STARD9: variants seen among roughly 807,000 people sequenced by gnomAD.
STARD9 encodes StAR related lipid transfer domain containing 9.
In STARD9, 346 loss-of-function variants were observed where a neutral mutation model predicts 399.8. That is an observed-to-expected ratio of 0.87 (90% CI 0.79 to 0.95). The LOEUF is 0.95. Ranked by LOEUF, STARD9 falls within the 40% of genes least tolerant of loss-of-function variation. The pLI is 0.00. For synonymous variants in STARD9, 2,203 were observed against 2,143.5 expected (o/e 1.03, Z -0.77); for missense variants, 5,832 against 5,667.5 (o/e 1.03, Z -0.93).
chr15:42,703,341 G>A (rs2061006376), intron 26 of STARD9, among the ~76,000 whole-genome samples: 1 of 149,238 alleles, frequency 6.7e-6, no homozygotes, highest in African/African-American at 2.5e-5. Context: ...CCAGTGACTC[G>A]TACATTTGTT....
Position 42,682,459 on chromosome 15 carries a change from C to A in STARD9, c.2421C>A (p.Tyr807Ter). The A allele has an allele frequency of 2.0e-6, 3 of 1,537,190 alleles. No individual in the cohort carries two copies. Among genetic ancestry groups the A allele is most frequent in the Non-Finnish European group, 2.6e-6 (3 of 1,146,892 alleles). The change falls in exon 22 of 33, where the codon TAC becomes TAA. Residue 807 changes from tyrosine to a stop codon, truncating the protein, a stop_gained. Transcript: ENST00000290607. LOFTEE classifies it high-confidence loss of function. ...ATGACAGCACCCAGGAGCCCCCATACCAGGTCCTCAGCCCTGATGCCACAG... is the reference window on the plus strand; with the variant it reads ...ATGACAGCACCCAGGAGCCCCCATAACAGGTCCTCAGCCCTGATGCCACAG... ...LQDDSTQEPP[Y>*]QVLSPDATVP...
chr15:42,619,789 G>A (rs1327871976), intron 3 of STARD9, among the ~76,000 whole-genome samples: 1 of 152,136 alleles, frequency 6.6e-6, no homozygotes, highest in Non-Finnish European at 1.5e-5. Flanking sequence ...CTGGTTCCTG[G>A]TTGGGGAGCC....
intron 16 of STARD9, among the ~76,000 whole-genome samples, chr15:42,673,302 T>A (rs1309135836): frequency 1.3e-5 from 2 of 152,126 alleles, no homozygotes; most frequent in East Asian, 3.9e-4. Context: ...GTTGGGAGGC[T>A]GAGGCAAGGG....
At chr15:42,607,250 T>C (rs1292432274) in intron 3 of STARD9, among the ~76,000 whole-genome samples, 3 of 125,460 alleles carry the variant, frequency 2.4e-5, no homozygotes, top group Non-Finnish European at 3.2e-5. Flanking sequence ...TCACCCAGGC[T>C]GGAGTACAGT....
At chr15:42,666,851 G>A (rs1284259788) in intron 15 of STARD9, among the ~76,000 whole-genome samples, 1 of 152,098 alleles carries the variant, frequency 6.6e-6, no homozygotes, top group Non-Finnish European at 1.5e-5. Context: ...GTCTCACTCT[G>A]TCACCCAGGC....
intron 3 of STARD9, among the ~76,000 whole-genome samples, chr15:42,587,372 ATTTG>A (rs2058297297): frequency 1.3e-5 from 2 of 152,086 alleles, no homozygotes; most frequent in African/African-American, 4.8e-5. Flanking sequence ...CCACTGTGGG[ATTTG>A]CTGTCACAGT....
At position 42,591,381 on chromosome 15, in the gene STARD9, G is replaced by T. The variant is rs1044696805; in HGVS notation, c.234+5744G>T. Among the ~76,000 whole-genome samples, 20 of 152,050 alleles carry T rather than the reference G, an allele frequency of 1.3e-4. 1 individual carries two copies. Among genetic ancestry groups the T allele is most frequent in the Admixed American group, 1.2e-3 (19 of 15,268 alleles). ...TGCATGCCTGTAATCCGAGCTACTCGGGAGGCTGAAGCAGGAGAATTGCTT... is the reference window on the plus strand; with the variant it reads ...TGCATGCCTGTAATCCGAGCTACTCTGGAGGCTGAAGCAGGAGAATTGCTT... On this transcript the variant is annotated intron_variant, in intron 3 of 32. Transcript: ENST00000290607.
chr15:42,718,212 C>A, intron 30 of STARD9, 33 bp downstream of exon 30: 1 of 1,525,050 alleles, frequency 6.6e-7, no homozygotes, highest in Non-Finnish European at 8.8e-7. Context: ...TCCATGGGGC[C>A]TAGTTTCTGG....
rs1307654396 is a variant in STARD9, at chr15:42,684,089, C to T, written c.2538-27C>T. 14 of 1,505,646 alleles carry T rather than the reference C, an allele frequency of 9.3e-6. 1 individual carries two copies. The highest frequency in any genetic ancestry group is 1.7e-4 in the Middle Eastern group (1 of 5,888). 93.3% of individuals were successfully genotyped at this position (1,505,646 alleles called of 1,614,324 possible). A position where few individuals can be genotyped will look rare whatever the true frequency, so the allele number is the denominator to read the frequency against. On this transcript the variant is annotated intron_variant, in intron 22 of 32. Transcript: ENST00000290607. ...CAGGAAGTAGTACCTCTCACATCTT[C>T]TGAGATAGCTTTCCTTGTCTTCACA... is the stretch of plus-strand genomic sequence containing the variant.
chr15:42,613,268 G>A (rs1566874451), intron 3 of STARD9, among the ~76,000 whole-genome samples: 1 of 151,930 alleles, frequency 6.6e-6, no homozygotes. Context: ...CAGGGACTTA[G>A]GGGACTGGCC....
At chr15:42,652,744 C>T (rs1187649978) in intron 9 of STARD9, among the ~76,000 whole-genome samples, 152 bp downstream of exon 9, 1 of 152,130 alleles carries the variant, frequency 6.6e-6, no homozygotes, top group African/African-American at 2.4e-5. Context: ...GGCGCGATCT[C>T]GGCTCACCTG....
chr15:42,692,951 A>G lies in STARD9; in HGVS notation c.11373A>G (p.Ala3791=). ...VPQKREAEET[A]QKMAQLLYLQ... is the part of the protein sequence containing the mutation. Reference sequence around the variant, plus strand: ...AGAAGAGAGAGGCAGAGGAAACAGCACAGAAAATGGCTCAGCTCCTCTATC... The same window carrying G: ...AGAAGAGAGAGGCAGAGGAAACAGCGCAGAAAATGGCTCAGCTCCTCTATC... Residue 3791 remains alanine (A), a synonymous_variant, in exon 23 of 33, where the codon GCA becomes GCG. Coordinates refer to ENST00000290607, the MANE Select transcript of STARD9 (RefSeq NM_020759.3). 3 of 1,537,192 alleles carry G rather than the reference A, an allele frequency of 2.0e-6. No homozygotes were observed. Among genetic ancestry groups the G allele is most frequent in the Non-Finnish European group, 2.6e-6 (3 of 1,146,890 alleles).
intron 3 of STARD9, chr15:42,629,973 T>G (rs1016525105): frequency 6.6e-6 from 1 of 151,976 alleles, no homozygotes; most frequent in African/African-American, 2.4e-5. Flanking sequence ...TAAATTCCAC[T>G]TGGTCACGAT....
intron 21 of STARD9, 86 bp downstream of exon 21, chr15:42,681,698 G>T (rs1252497979): frequency 1.5e-5 from 18 of 1,228,662 alleles, no homozygotes; most frequent in Non-Finnish European, 1.9e-5. Context: ...TCTCTCTTTT[G>T]TTTTCTTTGT....
chr15:42,716,492 C>T (rs915897694), intron 26 of STARD9, among the ~76,000 whole-genome samples, 185 bp from the exon 27 acceptor site: 1 of 152,178 alleles, frequency 6.6e-6, no homozygotes, highest in African/African-American at 2.4e-5. Context: ...GAGCAGAGAT[C>T]GTCTAGATAC....
Position 42,687,627 on chromosome 15 carries a change from C to A in STARD9, c.6049C>A (p.Pro2017Thr). 1 of 1,536,962 alleles carries A rather than the reference C, an allele frequency of 6.5e-7. No homozygotes were observed. The highest frequency in any genetic ancestry group is 8.7e-7 in the Non-Finnish European group (1 of 1,146,884). Reference protein sequence around the residue: ...QLVACPQERNPSECKSQEMLN... With the variant: ...QLVACPQERNTSECKSQEMLN... ...AGTTGCATGCCCTCAGGAAAGAAAC[C>A]CCAGTGAATGCAAGTCACAAGAAAT... Residue 2017 changes from proline (P) to threonine (T), a missense_variant, in exon 23 of 33, where the codon CCC becomes ACC. This residue lies in a region of STARD9 where 5,828 missense variants were observed against 5,651.1 expected (regional missense o/e 1.03). Transcript: ENST00000290607.
intron 3 of STARD9, among the ~76,000 whole-genome samples, chr15:42,586,444 A>G (rs1241335063): frequency 6.6e-6 from 1 of 152,220 alleles, no homozygotes; most frequent in Non-Finnish European, 1.5e-5. Flanking sequence ...AGGTCTGGCC[A>G]GTGGGTCTAC....
chr15:42,680,906 G>T (rs142201011), intron 20 of STARD9, among the ~76,000 whole-genome samples: 1 of 152,146 alleles, frequency 6.6e-6, no homozygotes, highest in African/African-American at 2.4e-5. Context: ...CGTGGTGTGT[G>T]TATAAATTAT....
At chr15:42,700,572 T>A (rs2060944588) in intron 26 of STARD9, among the ~76,000 whole-genome samples, 1 of 152,204 alleles carries the variant, frequency 6.6e-6, no homozygotes, top group Non-Finnish European at 1.5e-5. Flanking sequence ...GCCATTTGAA[T>A]GTCTTTTTTT....
Sources: gnomAD v4.1 joint callset for allele counts (sites outside exome capture counted in the v4.1 genomes callset) on GRCh38, gnomAD v4.1.1 for gene constraint, gnomAD v4.1.1 regional missense constraint, MANE v1.5 for transcripts, NCBI Gene and HGNC (gene_info 2026-07-23, HGNC 2026-07-21) for gene names.